Variants in GRM7 observed in about 807,000 individuals in gnomAD.
GRM7 encodes the protein glutamate metabotropic receptor 7.
Under a neutral mutation model 84.5 loss-of-function variants are expected in GRM7, and 35 were observed. That is an observed-to-expected ratio of 0.41 (90% CI 0.32 to 0.55). The LOEUF (loss-of-function observed/expected upper bound fraction) is 0.55, where lower values mean the gene tolerates loss of function less well. Among genes scored for constraint, GRM7 ranks in the 20% least tolerant of loss-of-function variants. The pLI, the probability that GRM7 is intolerant of heterozygous loss-of-function variation, is 0.19. For missense variants in GRM7, 1,003 were observed against 1,194.6 expected (o/e 0.84, Z 2.36); for synonymous variants, 487 against 455.1 (o/e 1.07, Z -0.89).
At chr3:7,182,052 T>C (rs13082571) in intron 2 of GRM7, among the ~76,000 whole-genome samples, 38,554 of 152,154 alleles carry the variant, frequency 0.25, 5,660 homozygotes, top group Non-Finnish European at 0.34. Context: ...GGCTAAAGAA[T>C]AGTACAAACC....
chr3:7,051,985 G>A (rs1306139321), intron 1 of GRM7, among the ~76,000 whole-genome samples: 1 of 151,566 alleles, frequency 6.6e-6, no homozygotes, highest in Non-Finnish European at 1.5e-5. Flanking sequence ...CAGAAGATAA[G>A]ATGATGCCCT....
rs542418994 is a variant in GRM7, at chr3:7,730,778, G to A, written c.2699-9579G>A. On this transcript the variant is annotated intron_variant, in intron 9 of 9. Coordinates refer to ENST00000357716, the MANE Select transcript of GRM7 (RefSeq NM_000844.4). The stretch of plus-strand genomic sequence containing the variant: ...TCGATCTTTGATGTATGATTGCACT[G>A]CATTCATAATATGCTCCAGATTGCT... Among the ~76,000 whole-genome samples, 4 of 152,270 alleles carry A rather than the reference G, an allele frequency of 2.6e-5. No individual in the cohort carries two copies. In the East Asian group the frequency reaches 5.8e-4, roughly 22 times the overall value.
chr3:7,598,604 G>A (rs1696161211), intron 8 of GRM7, among the ~76,000 whole-genome samples: 1 of 152,146 alleles, frequency 6.6e-6, no homozygotes, highest in Non-Finnish European at 1.5e-5. Flanking sequence ...TCCTTTATAA[G>A]AAAATAAAGT....
rs186644778 is a variant in GRM7 at position 7,157,456 on chromosome 3, T to G, written c.736+10788T>G. 4.3e-4 allele frequency among the ~76,000 whole-genome samples: 66 copies of G among 152,284 alleles called. 1 individual carries two copies. The highest frequency in any genetic ancestry group is 3.6e-3 in the Admixed American group (55 of 15,292). On this transcript the variant is annotated intron_variant, in intron 2 of 9. Coordinates refer to ENST00000357716, the MANE Select transcript of GRM7 (RefSeq NM_000844.4). ...TAAATTTTTCTAGTTAAAGTAGTTC[T>G]GTTGAAATTTTGAAATTTGAAATGA...
intron 9 of GRM7, among the ~76,000 whole-genome samples, chr3:7,700,135 C>A (rs1358469788): frequency 6.6e-6 from 1 of 152,130 alleles, no homozygotes; most frequent in South Asian, 2.1e-4. Flanking sequence ...TCCTTTGGAA[C>A]CTCTCAGAAA....
intron 9 of GRM7, among the ~76,000 whole-genome samples, chr3:7,727,608 A>C (rs1702171974): frequency 6.6e-6 from 1 of 152,182 alleles, no homozygotes; most frequent in Admixed American, 6.5e-5. Flanking sequence ...TCAGCTTCAT[A>C]CACACGAGAA....
At chr3:7,121,728 T>C (rs1480670113) in intron 1 of GRM7, among the ~76,000 whole-genome samples, 2 of 152,116 alleles carry the variant, frequency 1.3e-5, no homozygotes, top group African/African-American at 4.8e-5. Context: ...GAAGCAGAGA[T>C]GGGTTTTATG....
chr3:7,421,473 T>C (rs1457750005), intron 5 of GRM7, among the ~76,000 whole-genome samples: 1 of 152,208 alleles, frequency 6.6e-6, no homozygotes, highest in Admixed American at 6.5e-5. Context: ...TTGTAGAAAT[T>C]CAATCTTTTT....
At chr3:7,371,243 C>G (rs940353159) in intron 4 of GRM7, among the ~76,000 whole-genome samples, 1 of 152,160 alleles carries the variant, frequency 6.6e-6, no homozygotes, top group South Asian at 2.1e-4. Context: ...ATGGAAGCTT[C>G]TGAAAACTGG....
chr3:7,618,300 T>G (rs1352951835), intron 8 of GRM7, among the ~76,000 whole-genome samples: 1 of 152,146 alleles, frequency 6.6e-6, no homozygotes, highest in Non-Finnish European at 1.5e-5. Flanking sequence ...GATCATTAAA[T>G]TAGTTAATAT....
At chr3:6,878,170 C>G (rs1574958975) in intron 1 of GRM7, among the ~76,000 whole-genome samples, 1 of 152,168 alleles carries the variant, frequency 6.6e-6, no homozygotes, top group Middle Eastern at 3.4e-3. Flanking sequence ...ATTTAAATTT[C>G]TCTTTGTATT....
chr3:6,904,188 TC>T (rs377746667), intron 1 of GRM7, among the ~76,000 whole-genome samples: 133 of 152,310 alleles, frequency 8.7e-4, no homozygotes, highest in African/African-American at 2.9e-3. Flanking sequence ...TCTATTTTAT[TC>T]CTTACTCTGA....
Position 6,861,523 on chromosome 3 carries a change from C to A in GRM7, c.135C>A (p.Ile45=). 2 of 1,577,162 alleles carry A rather than the reference C, an allele frequency of 1.3e-6. No individual in the cohort carries two copies. The highest frequency in any genetic ancestry group is 1.7e-6 in the Non-Finnish European group (2 of 1,162,674). ...TGTACGCCCCGCACTCAATCCGGATCGAGGGGGACGTCACCCTCGGGGGGC... is the reference window on the plus strand; with the variant it reads ...TGTACGCCCCGCACTCAATCCGGATAGAGGGGGACGTCACCCTCGGGGGGC... ...QEMYAPHSIR[I]EGDVTLGGLF... The change falls in exon 1 of 10, where the codon ATC becomes ATA. Residue 45 remains isoleucine (I), a synonymous_variant. Transcript: ENST00000357716. This position sits in a 1 kb window ranked among gnomAD's most constrained non-coding sequence, Gnocchi z 6.4.
intron 5 of GRM7, among the ~76,000 whole-genome samples, chr3:7,447,329 C>A (rs918850105): frequency 2.6e-5 from 4 of 152,066 alleles, no homozygotes; most frequent in Non-Finnish European, 5.9e-5. Flanking sequence ...TTGAAAATAT[C>A]TCTTAACATT....
At chr3:6,943,525 A>T (rs1445007854) in intron 1 of GRM7, among the ~76,000 whole-genome samples, 1 of 152,200 alleles carries the variant, frequency 6.6e-6, no homozygotes, top group East Asian at 1.9e-4. Flanking sequence ...GTCAATTTAT[A>T]GATTCTATTC....
At chr3:7,398,759 G>A (rs1353523774) in intron 4 of GRM7, among the ~76,000 whole-genome samples, 1 of 152,014 alleles carries the variant, frequency 6.6e-6, no homozygotes, top group African/African-American at 2.4e-5. Flanking sequence ...TGACATAAGA[G>A]CCTTAAACCT....
At chr3:7,311,389 A>T (rs948882613) in intron 4 of GRM7, among the ~76,000 whole-genome samples, 3 of 152,206 alleles carry the variant, frequency 2.0e-5, no homozygotes, top group Non-Finnish European at 4.4e-5. Flanking sequence ...ACAGGCAGGC[A>T]GACCATACAT....
intron 7 of GRM7, among the ~76,000 whole-genome samples, chr3:7,498,125 A>G (rs1233053293): frequency 6.6e-6 from 1 of 152,192 alleles, no homozygotes; most frequent in Non-Finnish European, 1.5e-5. Context: ...TTGGGGTTCT[A>G]TAGCTTGCTC....
rs141976345 is a variant in GRM7, at chr3:6,917,661, A to G, written c.519+55754A>G. On this transcript the variant is annotated intron_variant, in intron 1 of 9. Transcript: ENST00000357716. ...ATGTCCTTGAAAGTTCCCAAAGACA[A>G]TCTTTCCTCAGGAAAGTATTTCTCC... is the stretch of plus-strand genomic sequence containing the variant. 5.1e-3 allele frequency among the ~76,000 whole-genome samples: 774 copies of G among 152,224 alleles called. 11 individuals carry two copies. Among genetic ancestry groups the G allele is most frequent in the African/African-American group, 0.017 (719 of 41,536 alleles).
Sources: allele counts gnomAD v4.1 joint callset (sites outside exome capture counted in the v4.1 genomes callset), GRCh38; gene constraint gnomAD v4.1.1; non-coding constraint Gnocchi (gnomAD v3.1); transcripts MANE v1.5; gene names NCBI Gene and HGNC (gene_info 2026-07-23, HGNC 2026-07-21).